Variants in CNTN4 observed in about 807,000 individuals in gnomAD.
The protein encoded by CNTN4 is contactin-4.
In CNTN4, 77 loss-of-function variants were observed where a neutral mutation model predicts 122.5. The observed-to-expected ratio is 0.63, with a 90% CI of 0.52 to 0.76. The LOEUF (loss-of-function observed/expected upper bound fraction) is 0.76, where lower values mean the gene tolerates loss of function less well. CNTN4 is among the 30% of genes least tolerant of loss of function. CNTN4 has a pLI of 0.00. For missense variants in CNTN4, 1,256 were observed against 1,259.1 expected (o/e 1.00, Z 0.04); for synonymous variants, 512 against 447.0 (o/e 1.15, Z -1.83).
chr3:2,191,030 T>C (rs1340335451), intron 2 of CNTN4, among the ~76,000 whole-genome samples: 1 of 152,164 alleles, frequency 6.6e-6, no homozygotes, highest in African/African-American at 2.4e-5. Flanking sequence ...TTCCCAGGGC[T>C]TGACTCTCTC....
intron 4 of CNTN4, among the ~76,000 whole-genome samples, chr3:2,714,616 C>T (rs1467294280): frequency 6.6e-6 from 1 of 152,156 alleles, no homozygotes; most frequent in East Asian, 1.9e-4. Context: ...TATAGGCAAG[C>T]AGTACTCAAT....
At chr3:2,272,204 C>G (rs1158287953) in intron 2 of CNTN4, among the ~76,000 whole-genome samples, 1 of 151,988 alleles carries the variant, frequency 6.6e-6, no homozygotes, top group East Asian at 1.9e-4. Context: ...CAGCTTACTA[C>G]TGTAGCTATT....
chr3:2,475,047 T>G (rs559405249), intron 3 of CNTN4, among the ~76,000 whole-genome samples: 19 of 152,340 alleles, frequency 1.2e-4, no homozygotes, highest in African/African-American at 4.6e-4. Flanking sequence ...TACCTTAAGC[T>G]GAATTGCTTT....
chr3:2,802,345 G>T (rs2092368019), intron 6 of CNTN4, among the ~76,000 whole-genome samples: 1 of 152,200 alleles, frequency 6.6e-6, no homozygotes, highest in South Asian at 2.1e-4. Context: ...TCTCGTTTGA[G>T]CTCTAGGTGT....
chr3:2,526,846 A>T (rs2077414626), intron 3 of CNTN4, among the ~76,000 whole-genome samples: 1 of 152,150 alleles, frequency 6.6e-6, no homozygotes, highest in Admixed American at 6.6e-5. Context: ...ATAGTCTTAC[A>T]AGTTTACTGG....
chr3:2,148,937 C>T (rs1400193938), intron 2 of CNTN4, among the ~76,000 whole-genome samples: 5 of 120,422 alleles, frequency 4.2e-5, no homozygotes, highest in African/African-American at 9.9e-5. Context: ...CCCTTACTAC[C>T]GTGACTGTGT....
At chr3:2,671,621 G>C (rs886822330) in intron 4 of CNTN4, among the ~76,000 whole-genome samples, 1 of 152,152 alleles carries the variant, frequency 6.6e-6, no homozygotes, top group Admixed American at 6.5e-5. Context: ...GCTTTGTTCT[G>C]TTGCTGGTGA....
At chr3:2,307,360 G>A (rs1398789932) in intron 2 of CNTN4, among the ~76,000 whole-genome samples, 4 of 151,852 alleles carry the variant, frequency 2.6e-5, no homozygotes, top group African/African-American at 9.7e-5. Context: ...GCGTGAACCC[G>A]GGAGGCGGAG....
chr3:2,355,889 G>GTAATC (rs1308762473), intron 3 of CNTN4, among the ~76,000 whole-genome samples: 12 of 152,224 alleles, frequency 7.9e-5, no homozygotes, highest in African/African-American at 2.7e-4. Context: ...ATGCTCAATT[G>GTAATC]TAATCTAATT....
intron 3 of CNTN4, among the ~76,000 whole-genome samples, chr3:2,480,569 C>T (rs139741059): frequency 1.2e-4 from 19 of 152,200 alleles, no homozygotes; most frequent in Admixed American, 5.9e-4. Context: ...AAAATATGTA[C>T]GAGGTCTATG....
chr3:2,385,641 G>A lies in CNTN4; in HGVS notation c.-89+46408G>A, dbSNP rs1162774661. On this transcript the variant is annotated intron_variant, in intron 3 of 24. Transcript: ENST00000418658. The surrounding 1 kb of genome is among the most constrained non-coding windows in gnomAD (Gnocchi z 4.0). ...GTTAGCCCCAGTTGTTCTGCAGCTT[G>A]TGGGAGCATAACTCCAAGCTCATCT... 6.6e-6 allele frequency among the ~76,000 whole-genome samples: 1 copy of A among 152,068 alleles called. No homozygotes were observed. The highest frequency in any genetic ancestry group is 1.5e-5 in the Non-Finnish European group (1 of 68,026).
chr3:2,943,593 TATAA>T (rs1269646141), intron 13 of CNTN4, among the ~76,000 whole-genome samples: 2 of 144,828 alleles, frequency 1.4e-5, no homozygotes, highest in Non-Finnish European at 3.0e-5. Flanking sequence ...CTAGGTAATA[TATAA>T]ATATATAAAT....
chr3:2,134,697 G>A (rs1418282689), intron 2 of CNTN4, among the ~76,000 whole-genome samples: 1 of 152,198 alleles, frequency 6.6e-6, no homozygotes, highest in Admixed American at 6.5e-5. Context: ...TTAGAGGCCA[G>A]GGATGCTGCT....
At chr3:2,503,252 G>A (rs2076642961) in intron 3 of CNTN4, among the ~76,000 whole-genome samples, 1 of 152,140 alleles carries the variant, frequency 6.6e-6, no homozygotes, top group Admixed American at 6.6e-5. Context: ...CAGATAGATG[G>A]CTGGATAGGA....
At chr3:2,190,361 A>T (rs2037472302) in intron 2 of CNTN4, among the ~76,000 whole-genome samples, 1 of 152,070 alleles carries the variant, frequency 6.6e-6, no homozygotes, top group African/African-American at 2.4e-5. Context: ...TGATAAAAAA[A>T]GAATTTTTCT....
intron 2 of CNTN4, among the ~76,000 whole-genome samples, chr3:2,107,712 A>T (rs945808444): frequency 2.6e-5 from 4 of 152,160 alleles, no homozygotes; most frequent in Admixed American, 6.5e-5. Flanking sequence ...TGTATGACTT[A>T]AAGTGAATAC....
intron 13 of CNTN4, among the ~76,000 whole-genome samples, chr3:2,947,816 C>G (rs2094695321): frequency 6.6e-6 from 1 of 152,164 alleles, no homozygotes; most frequent in Non-Finnish European, 1.5e-5. Context: ...TCCTACACAG[C>G]TGATTGTCAG....
Position 3,022,801 on chromosome 3 carries a change from C to G in CNTN4, c.1487-3301C>G, listed in dbSNP as rs184183778. Among the ~76,000 whole-genome samples, 45 of 152,224 alleles carry G rather than the reference C, an allele frequency of 3.0e-4. No individual in the cohort carries two copies. In the East Asian group the frequency reaches 7.7e-3, roughly 26 times the overall value. On this transcript the variant is annotated intron_variant, in intron 14 of 24. Coordinates refer to ENST00000418658, the MANE Select transcript of CNTN4 (RefSeq NM_175607.3). ...TTTTAAGCATCAGTCCTCTGGAGTT[C>G]AGAATTTATCATTCTACACAGTATG...
chr3:2,287,347 A>G (rs750667176), intron 2 of CNTN4, among the ~76,000 whole-genome samples: 11 of 152,006 alleles, frequency 7.2e-5, no homozygotes, highest in Non-Finnish European at 1.3e-4. Flanking sequence ...CACGCCTGTT[A>G]TCCTAACACT....
Sources: allele counts gnomAD v4.1 joint callset (sites outside exome capture counted in the v4.1 genomes callset), GRCh38; gene constraint gnomAD v4.1.1; non-coding constraint Gnocchi (gnomAD v3.1); transcripts MANE v1.5; gene names NCBI Gene and HGNC (gene_info 2026-07-23, HGNC 2026-07-21).